Variants in USP20 observed in about 807,000 individuals in gnomAD.
USP20 encodes the protein ubiquitin carboxyl-terminal hydrolase 20.
A neutral mutation model predicts 124.2 loss-of-function variants in USP20; 80 were observed. That is an observed-to-expected ratio of 0.64 (90% CI 0.54 to 0.78). The LOEUF is 0.78. Among genes scored for constraint, USP20 ranks in the 30% least tolerant of loss-of-function variants. USP20 has a pLI of 0.00. For missense variants in USP20, 1,043 were observed against 1,244.4 expected (o/e 0.84, Z 2.44); for synonymous variants, 481 against 512.3 (o/e 0.94, Z 0.83).
At chr9:129,854,190 T>C (rs531952987) in intron 3 of USP20, among the ~76,000 whole-genome samples, 2 of 152,232 alleles carry the variant, frequency 1.3e-5, no homozygotes, top group African/African-American at 4.8e-5. Context: ...AATGGGCCAC[T>C]CACGTTGTGG....
At chr9:129,875,273 G>A (rs189551881) in intron 19 of USP20, 37 bp from the exon 20 acceptor site, 21 of 1,563,194 alleles carry the variant, frequency 1.3e-5, no homozygotes, top group East Asian at 9.1e-5. Context: ...GGTGGCAGCC[G>A]TCAGGCACAG....
At position 129,875,044 on chromosome 9, in the gene USP20, G is replaced by A. The variant is rs1401913388; in HGVS notation, c.2048+89G>A. The A allele has an allele frequency of 1.6e-5, 24 of 1,518,542 alleles. No individual in the cohort carries two copies. The East Asian group carries it at 1.6e-4, about 10-fold the overall frequency. 94.1% of individuals were successfully genotyped at this position (1,518,542 alleles called of 1,614,324 possible). On this transcript the variant is annotated intron_variant, in intron 19 of 25. Transcript: ENST00000372429. ...CTTCTGGGTGTGTGTAGGGGACAGC[G>A]CCTGGATTAAGCCAGGGAAGTAAGG...
intron 8 of USP20, 78 bp from the exon 9 acceptor site, chr9:129,863,108 C>T (rs1564209143): frequency 8.4e-7 from 1 of 1,185,926 alleles, no homozygotes; most frequent in South Asian, 1.8e-5. Flanking sequence ...ACTCAGGGCT[C>T]CCCGCTATGC....
intron 10 of USP20, among the ~76,000 whole-genome samples, chr9:129,866,880 A>G (rs1293596766): frequency 1.3e-5 from 2 of 152,246 alleles, no homozygotes; most frequent in Non-Finnish European, 2.9e-5. Flanking sequence ...TGCCTGCCAC[A>G]GGACACGTGT....
chr9:129,835,641 C>G (rs2031759955), intron 1 of USP20, 142 bp downstream of exon 1: 1 of 156,444 alleles, frequency 6.4e-6, no homozygotes, highest in Non-Finnish European at 1.4e-5. Flanking sequence ...CCGGGACCCC[C>G]CCGGCCGCCG....
chr9:129,861,637 C>T, intron 8 of USP20, 25 bp downstream of exon 8: 2 of 1,611,990 alleles, frequency 1.2e-6, no homozygotes, highest in Non-Finnish European at 1.7e-6. Context: ...TGTCCGAGGG[C>T]CGAGAGCTGT....
intron 17 of USP20, among the ~76,000 whole-genome samples, chr9:129,874,345 G>A (rs1333038818): frequency 6.6e-6 from 1 of 152,182 alleles, no homozygotes; most frequent in Non-Finnish European, 1.5e-5. Flanking sequence ...CGACAGAACT[G>A]GTAAACTTGA....
At chr9:129,846,529 A>C (rs1335068877) in intron 1 of USP20, among the ~76,000 whole-genome samples, 1 of 151,190 alleles carries the variant, frequency 6.6e-6, no homozygotes, top group Non-Finnish European at 1.5e-5. Flanking sequence ...GAGTGCTGGA[A>C]TTACAGGCAT....
At position 129,858,582 on chromosome 9, in the gene USP20, C is replaced by G. The variant is rs1564205669; in HGVS notation, c.314C>G (p.Ser105Cys). 1 of 1,613,978 alleles carries G rather than the reference C, an allele frequency of 6.2e-7. No individual in the cohort carries two copies. Residue 105 changes from serine to cysteine, a missense_variant, in exon 6 of 26, where the codon TCC (serine) becomes TGC (cysteine). Ser to Cys is a moderately radical substitution (Grantham distance 112). Coordinates refer to ENST00000372429, the MANE Select transcript of USP20 (RefSeq NM_001110303.4). ...GCAGCCCCTCTGCTGGGCTCCTCTT[C>G]CAAGTTCTCTGAACAGGTAACCTGT... Reference protein sequence around the residue: ...RLAAPLLGSSSKFSEQDSPPP... With the variant: ...RLAAPLLGSSCKFSEQDSPPP...
At chr9:129,851,711 G>A (rs1206849044) in intron 2 of USP20, among the ~76,000 whole-genome samples, 3 of 152,162 alleles carry the variant, frequency 2.0e-5, no homozygotes, top group Non-Finnish European at 4.4e-5. Context: ...AAAGATGTTT[G>A]CTACTTGTTA....
At position 129,874,658 on chromosome 9, in the gene USP20, A is replaced by C; in HGVS notation, c.1823A>C (p.Glu608Ala). The change falls in exon 18 of 26, where the codon GAG (glutamate) becomes GCG (alanine). Residue 608 changes from glutamate (E) to alanine (A), a missense_variant. Transcript: ENST00000372429. ...AACAGCCACGTCTCCTTCCCCCTCG[A>C]GGGGCTCGACCTGCGCCCCTTCCTT... Reference protein sequence around the residue: ...KINSHVSFPLEGLDLRPFLAK... With the variant: ...KINSHVSFPLAGLDLRPFLAK... The C allele has an allele frequency of 6.2e-7, 1 of 1,613,880 alleles. No homozygotes were observed. Among genetic ancestry groups the C allele is most frequent in the Non-Finnish European group, 8.5e-7 (1 of 1,180,008 alleles).
chr9:129,860,693 C>T (rs777352278), intron 6 of USP20, among the ~76,000 whole-genome samples: 1 of 152,216 alleles, frequency 6.6e-6, no homozygotes, highest in African/African-American at 2.4e-5. Context: ...CACTGCACTC[C>T]AGCCTGGGTG....
chr9:129,874,306 G>C (rs1011450480), intron 17 of USP20, among the ~76,000 whole-genome samples: 19 of 152,220 alleles, frequency 1.2e-4, no homozygotes, highest in Non-Finnish European at 1.6e-4. Flanking sequence ...GTGGCTCGGG[G>C]AGGCTTTGTG....
intron 1 of USP20, among the ~76,000 whole-genome samples, chr9:129,840,972 C>T (rs1287639171): frequency 1.3e-5 from 2 of 151,984 alleles, no homozygotes; most frequent in African/African-American, 2.4e-5. Context: ...GGTTTCACCA[C>T]GTTGGCCAGG....
At chr9:129,863,416 T>G in intron 9 of USP20, 117 bp downstream of exon 9, 1 of 752,816 alleles carries the variant, frequency 1.3e-6, no homozygotes, top group South Asian at 2.3e-5. Flanking sequence ...CCTCACTTTG[T>G]CCCGGGTAAT....
At chr9:129,870,370 T>C in intron 14 of USP20, 83 bp from the exon 15 acceptor site, 28 of 1,472,646 alleles carry the variant, frequency 1.9e-5, no homozygotes, top group Non-Finnish European at 2.6e-5. Context: ...GGCTCAGGCC[T>C]GACAGACCTC....
chr9:129,867,288 G>A (rs1345140549), intron 10 of USP20, among the ~76,000 whole-genome samples: 1 of 152,162 alleles, frequency 6.6e-6, no homozygotes, highest in Admixed American at 6.5e-5. Context: ...GCCTCTGCCC[G>A]AGCCCCTGCT....
intron 1 of USP20, among the ~76,000 whole-genome samples, chr9:129,845,619 G>A (rs2032493059): frequency 6.6e-6 from 1 of 151,658 alleles, no homozygotes; most frequent in Non-Finnish European, 1.5e-5. Context: ...CTGCAGCCTT[G>A]AGCTTAAGGG....
At chr9:129,860,022 C>A (rs2033452694) in intron 6 of USP20, among the ~76,000 whole-genome samples, 1 of 150,048 alleles carries the variant, frequency 6.7e-6, no homozygotes, top group African/African-American at 2.5e-5. Context: ...ACGAGCAAGA[C>A]TCTATCTCTT....
Sources: allele counts gnomAD v4.1 joint callset (sites outside exome capture counted in the v4.1 genomes callset), GRCh38; gene constraint gnomAD v4.1.1; transcripts MANE v1.5; gene names NCBI Gene and HGNC (gene_info 2026-07-23, HGNC 2026-07-21).